PLXNA4: variants seen among roughly 807,000 people sequenced by gnomAD.
The protein encoded by PLXNA4 is plexin-A4.
In PLXNA4, 44 loss-of-function variants were observed where a neutral mutation model predicts 191.8. That is an observed-to-expected ratio of 0.23 (90% CI 0.18 to 0.29). The LOEUF (loss-of-function observed/expected upper bound fraction) is 0.29. Among genes scored for constraint, PLXNA4 ranks in the 10% least tolerant of loss-of-function variants. PLXNA4 has a pLI of 1.00. For missense variants in PLXNA4, 1,800 were observed against 2,488.8 expected (o/e 0.72, Z 5.89); for synonymous variants, 1,082 against 1,009.5 (o/e 1.07, Z -1.36).
intron 3 of PLXNA4, among the ~76,000 whole-genome samples, chr7:132,488,110 G>T (rs888381945): frequency 6.6e-6 from 1 of 152,108 alleles, no homozygotes; most frequent in African/African-American, 2.4e-5. Context: ...AGTGCTCATT[G>T]TTTTCTTTCC....
intron 3 of PLXNA4, among the ~76,000 whole-genome samples, chr7:132,370,685 T>C (rs763963383): frequency 2.6e-5 from 4 of 152,210 alleles, no homozygotes; most frequent in Admixed American, 6.5e-5. Context: ...TAAATGTCTA[T>C]GTATAACAAA....
chr7:132,467,902 T>G (rs898116451), intron 3 of PLXNA4, among the ~76,000 whole-genome samples: 1 of 152,170 alleles, frequency 6.6e-6, no homozygotes, highest in Non-Finnish European at 1.5e-5. Flanking sequence ...AATGCCAACA[T>G]GTTCCAAATC....
chr7:132,549,585 G>A (rs1800465610), intron 1 of PLXNA4, among the ~76,000 whole-genome samples: 1 of 152,152 alleles, frequency 6.6e-6, no homozygotes. Flanking sequence ...AAAGTGAGTG[G>A]ACCCTAAAAT....
intron 3 of PLXNA4, among the ~76,000 whole-genome samples, chr7:132,428,968 G>T (rs1585122563): frequency 6.6e-6 from 1 of 152,148 alleles, no homozygotes; most frequent in Admixed American, 6.5e-5. Flanking sequence ...GACCCTGAAG[G>T]AGAGTGGGAA....
At chr7:132,558,579 G>A in intron 1 of PLXNA4, among the ~76,000 whole-genome samples, 1 of 152,202 alleles carries the variant, frequency 6.6e-6, no homozygotes, top group East Asian at 1.9e-4. Flanking sequence ...CCTGGGAGAA[G>A]GAACAAAGGA....
chr7:132,132,456 TG>T (rs1334005160), intron 31 of PLXNA4, among the ~76,000 whole-genome samples: 4,585 of 51,942 alleles, frequency 0.088, 319 homozygotes, highest in Admixed American at 0.18. Context: ...TGTTCTGTTC[TG>T]TTCTGTTCTG....
chr7:132,413,627 A>G (rs944338199), intron 3 of PLXNA4, among the ~76,000 whole-genome samples: 1 of 152,212 alleles, frequency 6.6e-6, no homozygotes, highest in Admixed American at 6.5e-5. Context: ...GAGTTACTCC[A>G]CGGTTCTGGT....
intron 2 of PLXNA4, among the ~76,000 whole-genome samples, chr7:132,495,256 T>C (rs1797967086): frequency 6.6e-6 from 1 of 152,168 alleles, no homozygotes; most frequent in African/African-American, 2.4e-5. Context: ...TGAGTCCTTA[T>C]TACAGAAAGG....
chr7:132,539,844 G>C (rs1563160060), intron 1 of PLXNA4, among the ~76,000 whole-genome samples: 1 of 152,328 alleles, frequency 6.6e-6, no homozygotes, highest in East Asian at 1.9e-4. Context: ...TGAAGGCTTA[G>C]AGAGTTTTTG....
intron 21 of PLXNA4, among the ~76,000 whole-genome samples, chr7:132,173,655 A>G (rs12531350): frequency 0.018 from 2,677 of 152,334 alleles, 35 homozygotes; most frequent in Non-Finnish European, 0.024. Context: ...ACAGCCTACT[A>G]CATTCCCTTG....
intron 4 of PLXNA4, among the ~76,000 whole-genome samples, chr7:132,281,840 C>T (rs1289703442): frequency 1.3e-5 from 2 of 152,200 alleles, no homozygotes; most frequent in African/African-American, 2.4e-5. Context: ...AGCAGCAGAC[C>T]TCTGTGTTGT....
chr7:132,631,467 G>A (rs984702114), intron 2 of PLXNA4, among the ~76,000 whole-genome samples: 2 of 152,148 alleles, frequency 1.3e-5, no homozygotes, highest in African/African-American at 4.8e-5. Context: ...ATTTGGATGG[G>A]GAGTAGGGAG....
chr7:132,553,147 G>A (rs1481699107), intron 1 of PLXNA4, among the ~76,000 whole-genome samples: 1 of 152,192 alleles, frequency 6.6e-6, no homozygotes, highest in Non-Finnish European at 1.5e-5. Context: ...ACACATGGAT[G>A]ATCTAGAAGC....
At chr7:132,597,480 T>C (rs1802731733) in intron 2 of PLXNA4, among the ~76,000 whole-genome samples, 1 of 152,224 alleles carries the variant, frequency 6.6e-6, no homozygotes, top group Admixed American at 6.5e-5. Context: ...TCATCTCTTT[T>C]TTTCTTTTCT....
At chr7:132,493,522 T>C (rs532708949) in intron 2 of PLXNA4, among the ~76,000 whole-genome samples, 20 of 152,254 alleles carry the variant, frequency 1.3e-4, no homozygotes, top group Non-Finnish European at 2.2e-4. Context: ...GGATCTTTTT[T>C]CACTGGCTCA....
At position 132,427,632 on chromosome 7, in the gene PLXNA4, G is replaced by T. The variant is rs530290533; in HGVS notation, c.1371+61660C>A. Among the ~76,000 whole-genome samples the T allele has an allele frequency of 2.6e-5, 4 of 152,318 alleles. No homozygotes were observed. The South Asian group carries it at 8.3e-4, about 32-fold the overall frequency. ...TTACTGGCAGCTTCAGGGGCTGGTG[G>T]AAAGAGCTCTGGGGTCAGACCTGCT... On this transcript the variant is annotated intron_variant, in intron 3 of 31. Transcript: ENST00000321063.
intron 2 of PLXNA4, among the ~76,000 whole-genome samples, chr7:132,626,980 A>T (rs1028232595): frequency 6.6e-6 from 1 of 152,192 alleles, no homozygotes; most frequent in Non-Finnish European, 1.5e-5. Context: ...CTGGAATCCA[A>T]TCTATGATGA....
chr7:132,269,117 T>C (rs1331842347), intron 4 of PLXNA4, among the ~76,000 whole-genome samples: 1 of 152,158 alleles, frequency 6.6e-6, no homozygotes, highest in Admixed American at 6.5e-5. Context: ...CCTCAACCTT[T>C]GCAGCTGCCC....
At chr7:132,301,525 G>A (rs1801305046) in intron 3 of PLXNA4, among the ~76,000 whole-genome samples, 1 of 152,192 alleles carries the variant, frequency 6.6e-6, no homozygotes, top group African/African-American at 2.4e-5. Context: ...CACACATCTG[G>A]CGGATGGCAC....
Sources: allele counts gnomAD v4.1 joint callset (sites outside exome capture counted in the v4.1 genomes callset), GRCh38; gene constraint gnomAD v4.1.1; transcripts MANE v1.5; gene names NCBI Gene and HGNC (gene_info 2026-07-23, HGNC 2026-07-21).